The following EPHB1 variants were observed in gnomAD, a reference collection of about 807,000 sequenced individuals.
The protein encoded by EPHB1 is ephrin type-B receptor 1.
In EPHB1, 30 loss-of-function variants were observed where a neutral mutation model predicts 94.4. The observed-to-expected ratio is 0.32, with a 90% CI of 0.24 to 0.43. EPHB1 has a LOEUF of 0.43. EPHB1 is among the 20% of genes least tolerant of loss of function. The pLI is 1.00. For missense variants in EPHB1, 1,055 were observed against 1,308.3 expected (o/e 0.81, Z 2.99); for synonymous variants, 522 against 489.1 (o/e 1.07, Z -0.89).
chr3:134,829,780 A>G (rs1304746558), intron 1 of EPHB1, among the ~76,000 whole-genome samples: 1 of 152,212 alleles, frequency 6.6e-6, no homozygotes, highest in Non-Finnish European at 1.5e-5. Context: ...CTATTCCAGC[A>G]TGACTGGTGT....
At chr3:134,849,415 G>T (rs2108298982) in intron 1 of EPHB1, among the ~76,000 whole-genome samples, 1 of 152,316 alleles carries the variant, frequency 6.6e-6, no homozygotes. Context: ...TTTTCCAGGG[G>T]AAACAGAATC....
rs143882979 is a variant in EPHB1 at position 135,238,357 on chromosome 3, G to A, written c.2347-2791G>A. Among the ~76,000 whole-genome samples the A allele has an allele frequency of 6.3e-3, 959 of 152,326 alleles. 11 individuals are homozygous for A. Among genetic ancestry groups the A allele is most frequent in the African/African-American group, 0.022 (905 of 41,578 alleles). ...CCACCTGCTGGGATGGAGGGGGGCGGCGGTGACAGCCCAAGCTCAGTGTTC... is the reference window on the plus strand; with the variant it reads ...CCACCTGCTGGGATGGAGGGGGGCGACGGTGACAGCCCAAGCTCAGTGTTC... On this transcript the variant is annotated intron_variant, in intron 12 of 15. Transcript: ENST00000398015.
chr3:134,906,057 C>T (rs887464532), intron 1 of EPHB1, among the ~76,000 whole-genome samples: 2 of 152,192 alleles, frequency 1.3e-5, no homozygotes, highest in Admixed American at 6.5e-5. Flanking sequence ...CATGGTGATG[C>T]GATCCCATTG....
chr3:135,144,232 T>C (rs554139504), intron 5 of EPHB1, among the ~76,000 whole-genome samples: 1 of 152,344 alleles, frequency 6.6e-6, no homozygotes, highest in South Asian at 2.1e-4. Flanking sequence ...TTTTCCCCTC[T>C]CTTATCTTCA....
At chr3:134,862,976 A>G (rs1490540892) in intron 1 of EPHB1, among the ~76,000 whole-genome samples, 3 of 151,908 alleles carry the variant, frequency 2.0e-5, no homozygotes, top group Non-Finnish European at 4.4e-5. Context: ...TCTGAAAACC[A>G]CTCTGTGTGT....
intron 3 of EPHB1, among the ~76,000 whole-genome samples, chr3:134,976,751 A>T (rs1213456392): frequency 6.6e-6 from 1 of 152,192 alleles, no homozygotes; most frequent in East Asian, 1.9e-4. Flanking sequence ...AAAAAAGGTT[A>T]GGGCTTGTCC....
Position 135,053,815 on chromosome 3 carries a change from G to A in EPHB1, c.806-52633G>A, listed in dbSNP as rs1576348872. On this transcript the variant is annotated intron_variant, in intron 3 of 15. Transcript: ENST00000398015. ...CAGCCCAAGCAACATAGTGAGACCA[G>A]TCCCTGCAAAAAAGAATTTTTTCAA... 3.3e-5 allele frequency among the ~76,000 whole-genome samples: 5 copies of A among 152,186 alleles called. 1 individual carries two copies. The highest frequency in any genetic ancestry group is 3.3e-4 in the Admixed American group (5 of 15,284).
chr3:135,019,950 A>G lies in EPHB1; in HGVS notation c.805+67898A>G, dbSNP rs146606617. Among the ~76,000 whole-genome samples the G allele has an allele frequency of 5.3e-3, 809 of 152,334 alleles. 9 individuals carry two copies. Among genetic ancestry groups the G allele is most frequent in the African/African-American group, 0.019 (770 of 41,552 alleles). Reference sequence around the variant, plus strand: ...GGTCTGTACTTGGCAATGAGTCTGGATACCTACTGCCAAGGTATTGGTCTC... The same window carrying G: ...GGTCTGTACTTGGCAATGAGTCTGGGTACCTACTGCCAAGGTATTGGTCTC... On this transcript the variant is annotated intron_variant, in intron 3 of 15. Coordinates refer to ENST00000398015, the MANE Select transcript of EPHB1 (RefSeq NM_004441.5).
At chr3:135,054,079 A>T (rs996730316) in intron 3 of EPHB1, among the ~76,000 whole-genome samples, 1 of 151,054 alleles carries the variant, frequency 6.6e-6, no homozygotes, top group African/African-American at 2.4e-5. Flanking sequence ...ACATAGCATT[A>T]TTTATATGAC....
intron 1 of EPHB1, among the ~76,000 whole-genome samples, chr3:134,882,765 C>CTTT (rs1553861895): frequency 0.31 from 24,799 of 78,874 alleles, 5,505 homozygotes; most frequent in Non-Finnish European, 0.37. Context: ...TTCCTTCCTT[C>CTTT]CTTTCTTTCT....
chr3:135,033,629 G>A (rs931356435), intron 3 of EPHB1, among the ~76,000 whole-genome samples: 101 of 152,318 alleles, frequency 6.6e-4, no homozygotes, highest in African/African-American at 2.4e-3. Context: ...ATTCTTCTTC[G>A]TAATGGATTT....
intron 3 of EPHB1, among the ~76,000 whole-genome samples, chr3:135,075,478 G>A (rs1325031086): frequency 3.9e-5 from 6 of 152,154 alleles, no homozygotes; most frequent in Admixed American, 3.3e-4. Flanking sequence ...CAGGTAGAAG[G>A]CCTTTTGACC....
chr3:135,104,918 T>C (rs926198396), intron 3 of EPHB1, among the ~76,000 whole-genome samples: 5 of 152,250 alleles, frequency 3.3e-5, no homozygotes, highest in Non-Finnish European at 7.3e-5. Flanking sequence ...CTTCTTGTCT[T>C]AGCAGAAAAG....
chr3:134,899,288 G>C (rs1286063371), intron 1 of EPHB1, among the ~76,000 whole-genome samples: 1 of 152,090 alleles, frequency 6.6e-6, no homozygotes, highest in Non-Finnish European at 1.5e-5. Context: ...GAGTGTTTTT[G>C]CTAGCTCTTC....
chr3:135,214,410 G>T (rs931409412), intron 12 of EPHB1, among the ~76,000 whole-genome samples: 1 of 152,160 alleles, frequency 6.6e-6, no homozygotes, highest in African/African-American at 2.4e-5. Context: ...CTGCTCTAGG[G>T]CACCAGGCAT....
intron 2 of EPHB1, among the ~76,000 whole-genome samples, chr3:134,936,850 A>G (rs1472293499): frequency 6.6e-6 from 1 of 152,202 alleles, no homozygotes; most frequent in Admixed American, 6.5e-5. Flanking sequence ...CAAACAGTTC[A>G]TTATGTAACA....
chr3:134,795,605 TCTCGGCCTG>T lies in EPHB1; in HGVS notation c.-25_-17del. The T allele has an allele frequency of 6.2e-7, 1 of 1,603,800 alleles. No homozygotes were observed. The highest frequency in any genetic ancestry group is 1.1e-5 in the South Asian group (1 of 90,432). On this transcript the variant is annotated 5_prime_UTR_variant, in exon 1 of 16. Transcript: ENST00000398015. ...TCCCGGCGCTGCTGCCTCGGCTTGGTCTCGGCCTGCGGGCCGTCGGCCGGCGATGGCCCT... is the reference window on the plus strand; with the variant it reads ...TCCCGGCGCTGCTGCCTCGGCTTGGTCGGGCCGTCGGCCGGCGATGGCCCT...
chr3:135,194,621 A>T (rs1576460436), intron 11 of EPHB1, among the ~76,000 whole-genome samples: 1 of 152,202 alleles, frequency 6.6e-6, no homozygotes, highest in South Asian at 2.1e-4. Flanking sequence ...TAGCTGGGGG[A>T]CTTGTCTAGA....
chr3:135,157,671 T>A (rs1941394299), intron 6 of EPHB1, among the ~76,000 whole-genome samples: 5 of 152,260 alleles, frequency 3.3e-5, no homozygotes. Context: ...GACTGTGGAA[T>A]GCTCCTTCAC....
Sources: gnomAD v4.1 joint callset for allele counts (sites outside exome capture counted in the v4.1 genomes callset) on GRCh38, gnomAD v4.1.1 for gene constraint, MANE v1.5 for transcripts, NCBI Gene and HGNC (gene_info 2026-07-23, HGNC 2026-07-21) for gene names.